Variants in ANTXR2 observed in about 807,000 individuals in gnomAD.
ANTXR2 encodes anthrax toxin receptor 2.
Under a neutral mutation model 73.7 loss-of-function variants are expected in ANTXR2, and 44 were observed. The ratio of observed to expected loss-of-function variants is 0.60; its 90% CI spans 0.47 to 0.77. ANTXR2 has a LOEUF of 0.77. Among genes scored for constraint, ANTXR2 ranks in the 30% least tolerant of loss-of-function variants. The pLI, the probability that ANTXR2 is intolerant of heterozygous loss-of-function variation, is 0.00. For missense variants in ANTXR2, 604 were observed against 592.5 expected (o/e 1.02, Z -0.20); for synonymous variants, 217 against 205.9 (o/e 1.05, Z -0.46).
At chr4:80,007,273 A>G (rs1731348780) in intron 12 of ANTXR2, among the ~76,000 whole-genome samples, 2 of 152,182 alleles carry the variant, frequency 1.3e-5, no homozygotes, top group Non-Finnish European at 2.9e-5. Context: ...GCAGTCTTGC[A>G]GTATTATGTA....
chr4:80,027,399 G>A (rs1321849794), intron 10 of ANTXR2, among the ~76,000 whole-genome samples: 1 of 151,954 alleles, frequency 6.6e-6, no homozygotes, highest in Non-Finnish European at 1.5e-5. Context: ...CTATTATGAA[G>A]CCAGGCTCTA....
intron 10 of ANTXR2, among the ~76,000 whole-genome samples, chr4:80,026,616 G>T (rs1418281061): frequency 9.2e-5 from 14 of 151,740 alleles, no homozygotes; most frequent in Admixed American, 4.0e-4. Context: ...TAATTTAGTA[G>T]AATTATCTAC....
In ANTXR2 at chr4:80,056,546, C is replaced by T. The variant is rs76010302; in HGVS notation, c.297-533G>A. On this transcript the variant is annotated intron_variant, in intron 3 of 16. Transcript: ENST00000403729. ...CATGATTTATTCACTTTTATGACACCTTCTCACCCATCCAGACATTCCCTT... is the reference window on the plus strand; with the variant it reads ...CATGATTTATTCACTTTTATGACACTTTCTCACCCATCCAGACATTCCCTT... Among the ~76,000 whole-genome samples the T allele has an allele frequency of 5.2e-4, 79 of 151,918 alleles. No homozygotes were observed. In the East Asian group the frequency reaches 0.014, roughly 27 times the overall value.
At chr4:79,959,441 ACTTAT>A in intron 16 of ANTXR2, among the ~76,000 whole-genome samples, 1 of 152,276 alleles carries the variant, frequency 6.6e-6, no homozygotes, top group Admixed American at 6.5e-5. Flanking sequence ...GCACATATTA[ACTTAT>A]AATTTATATT....
intron 10 of ANTXR2, among the ~76,000 whole-genome samples, chr4:80,028,572 A>G (rs1732545210): frequency 1.3e-5 from 2 of 152,128 alleles, no homozygotes; most frequent in African/African-American, 2.4e-5. Context: ...CTTCACCAGC[A>G]TGTTGTTAAT....
At chr4:80,060,916 A>T (rs933412936) in intron 3 of ANTXR2, among the ~76,000 whole-genome samples, 1 of 152,078 alleles carries the variant, frequency 6.6e-6, no homozygotes, top group African/African-American at 2.4e-5. Flanking sequence ...CATGCTTCAC[A>T]TGCTGCCAGT....
rs71662888 is a variant in ANTXR2 at position 79,993,760 on chromosome 4, G to GCGCACACA, written c.1042-8898_1042-8897insTGTGTGCG. Among the ~76,000 whole-genome samples, 514 of 140,742 alleles carry GCGCACACA rather than the reference G, an allele frequency of 3.7e-3. 2 individuals carry two copies. The highest frequency in any genetic ancestry group is 6.6e-3 in the South Asian group (29 of 4,384). 92.3% of individuals were successfully genotyped at this position (140,742 alleles called of 152,430 possible). On this transcript the variant is annotated intron_variant, in intron 12 of 16. Transcript: ENST00000403729. ...GGCAATACACCACACACACACACAC[G>GCGCACACA]CACACACACACACACACACACACAT...
intron 12 of ANTXR2, among the ~76,000 whole-genome samples, chr4:79,985,904 T>C (rs1298777506): frequency 6.8e-6 from 1 of 147,804 alleles, no homozygotes; most frequent in Non-Finnish European, 1.5e-5. Context: ...TGCAATGGCA[T>C]GACCTCAGCT....
Position 80,008,495 on chromosome 4 carries a change from T to C in ANTXR2, c.1041+26A>G, listed in dbSNP as rs746132190. On this transcript the variant is annotated intron_variant, in intron 12 of 16. Coordinates refer to ENST00000403729, the MANE Select transcript of ANTXR2 (RefSeq NM_058172.6). ...TTACATCTTTCTAATTTTTTTTAAG[T>C]AGAGTTGTAAATCCTTCTTACTCAC... 9.1e-6 allele frequency: 14 copies of C among 1,546,890 alleles called. No homozygotes were observed. In the East Asian group the frequency reaches 1.8e-4, roughly 20 times the overall value.
intron 16 of ANTXR2, among the ~76,000 whole-genome samples, chr4:79,929,439 G>C (rs1276942960): frequency 6.6e-6 from 1 of 152,186 alleles, no homozygotes; most frequent in Admixed American, 6.5e-5. Context: ...TTGAACCTGG[G>C]AGGTGGAAGT....
chr4:79,996,122 G>T (rs183607034), intron 12 of ANTXR2, among the ~76,000 whole-genome samples: 1 of 152,068 alleles, frequency 6.6e-6, no homozygotes, highest in African/African-American at 2.4e-5. Flanking sequence ...TATACAAAGA[G>T]AAAACACAGA....
At chr4:80,019,012 T>G (rs572985616) in intron 10 of ANTXR2, 36 bp from the exon 11 acceptor site, 56 of 1,340,818 alleles carry the variant, frequency 4.2e-5, no homozygotes, top group Non-Finnish European at 5.4e-5. Flanking sequence ...TTATATACAT[T>G]TAAAACCAGA....
chr4:79,975,852 T>C (rs1206046354), intron 16 of ANTXR2, among the ~76,000 whole-genome samples: 1 of 151,890 alleles, frequency 6.6e-6, no homozygotes, highest in African/African-American at 2.4e-5. Context: ...CTTATGGTCT[T>C]AGCAAACAGT....
chr4:80,020,006 T>C (rs1340396488), intron 10 of ANTXR2, among the ~76,000 whole-genome samples: 3 of 151,882 alleles, frequency 2.0e-5, no homozygotes, highest in African/African-American at 4.8e-5. Context: ...GACAAGAGGG[T>C]TTGTATGGAA....
At chr4:80,051,186 C>T (rs989281415) in intron 7 of ANTXR2, among the ~76,000 whole-genome samples, 6 of 151,714 alleles carry the variant, frequency 4.0e-5, no homozygotes, top group Admixed American at 3.9e-4. Flanking sequence ...ACACTATAGG[C>T]ATATTGGCAT....
chr4:79,988,116 C>A (rs1730274388), intron 12 of ANTXR2, among the ~76,000 whole-genome samples: 1 of 150,758 alleles, frequency 6.6e-6, no homozygotes, highest in Admixed American at 6.6e-5. Context: ...TCAATATTGA[C>A]CTTGAAGATA....
At chr4:79,951,575 CAAA>C (rs1265856921) in intron 16 of ANTXR2, among the ~76,000 whole-genome samples, 3 of 128,404 alleles carry the variant, frequency 2.3e-5, no homozygotes, top group Non-Finnish European at 5.4e-5. Flanking sequence ...GACTCTATCT[CAAA>C]AAACAACAAC....
intron 16 of ANTXR2, among the ~76,000 whole-genome samples, chr4:79,924,274 T>C (rs1727698115): frequency 6.6e-6 from 1 of 152,148 alleles, no homozygotes; most frequent in Non-Finnish European, 1.5e-5. Flanking sequence ...AAATACTGGG[T>C]ACTTCATCAA....
chr4:79,988,227 TTTTA>T (rs1730280216), intron 12 of ANTXR2, among the ~76,000 whole-genome samples: 1 of 90,482 alleles, frequency 1.1e-5, no homozygotes, highest in African/African-American at 4.5e-5. Flanking sequence ...CTCACATAAA[TTTTA>T]TATATATATA....
Sources: gnomAD v4.1 joint callset for allele counts (sites outside exome capture counted in the v4.1 genomes callset) on GRCh38, gnomAD v4.1.1 for gene constraint, MANE v1.5 for transcripts, NCBI Gene and HGNC (gene_info 2026-07-23, HGNC 2026-07-21) for gene names.